The following TEAD1 variants were observed in gnomAD, a reference collection of about 807,000 sequenced individuals.
The protein encoded by TEAD1 is TEA domain transcription factor 1.
Under a neutral mutation model 54.9 loss-of-function variants are expected in TEAD1, and 9 were observed. That is an observed-to-expected ratio of 0.16 (90% CI 0.10 to 0.29). The LOEUF (loss-of-function observed/expected upper bound fraction) is 0.29. TEAD1 is among the 10% of genes least tolerant of loss of function. TEAD1 has a pLI of 1.00. For missense variants in TEAD1, 387 were observed against 535.9 expected (o/e 0.72, Z 2.74); for synonymous variants, 200 against 187.8 (o/e 1.07, Z -0.53).
At chr11:12,834,789 A>G (rs1201542699) in intron 3 of TEAD1, among the ~76,000 whole-genome samples, 1 of 142,356 alleles carries the variant, frequency 7.0e-6, no homozygotes, top group Admixed American at 7.0e-5. Context: ...CTTAATTTTA[A>G]GTTTGTTTGT....
intron 3 of TEAD1, among the ~76,000 whole-genome samples, chr11:12,827,134 A>G (rs900267107): frequency 6.6e-6 from 1 of 152,186 alleles, no homozygotes; most frequent in Admixed American, 6.5e-5. Context: ...AGTAGTGAAG[A>G]ATTAAGTGAG....
intron 2 of TEAD1, among the ~76,000 whole-genome samples, chr11:12,695,764 T>C (rs1943567617): frequency 6.6e-6 from 1 of 152,186 alleles, no homozygotes; most frequent in Non-Finnish European, 1.5e-5. Flanking sequence ...TGAACAGATA[T>C]TTCCTATAGA....
chr11:12,832,271 T>A (rs1235844962), intron 3 of TEAD1, among the ~76,000 whole-genome samples: 2 of 152,194 alleles, frequency 1.3e-5, no homozygotes, highest in Non-Finnish European at 2.9e-5. Flanking sequence ...TAACAAAAAA[T>A]GAGATCAAAC....
At position 12,864,633 on chromosome 11, in the gene TEAD1, T is replaced by TTTTG. The variant is rs1452138733; in HGVS notation, c.268-201_268-198dup. The TTTTG allele has an allele frequency of 1.3e-5, 15 of 1,195,228 alleles. No homozygotes were observed. In the Admixed American group the frequency reaches 1.5e-4, roughly 12 times the overall value. The allele number at this position is 1,195,228 out of a possible 1,614,324, so 74.0% of individuals were successfully genotyped here. A position where few individuals can be genotyped will look rare whatever the true frequency, so the allele number is the denominator to read the frequency against. On this transcript the variant is annotated intron_variant, in intron 4 of 12. Coordinates refer to ENST00000527636, the MANE Select transcript of TEAD1 (RefSeq NM_021961.6). ...TGATTTCCTTTTTTGTTTTGTTTTG[T>TTTTG]TTTGTTTTGTTTTGTTTTGTTTTGT...
chr11:12,933,376 AATC>A (rs1268970247), intron 12 of TEAD1, among the ~76,000 whole-genome samples: 1 of 152,206 alleles, frequency 6.6e-6, no homozygotes, highest in Non-Finnish European at 1.5e-5. Flanking sequence ...TTGAAAATAA[AATC>A]ATCTAATTGA....
intron 9 of TEAD1, among the ~76,000 whole-genome samples, chr11:12,892,271 C>T (rs1948212309): frequency 6.6e-6 from 1 of 152,026 alleles, no homozygotes. Context: ...GGAAATATGA[C>T]ATTAATGAGG....
intron 10 of TEAD1, among the ~76,000 whole-genome samples, chr11:12,913,267 T>C (rs1948650506): frequency 6.6e-6 from 1 of 152,154 alleles, no homozygotes; most frequent in Admixed American, 6.5e-5. Context: ...CACCCCATGT[T>C]AATTTACTTT....
At chr11:12,930,413 C>A in intron 12 of TEAD1, 87 bp downstream of exon 12, 2 of 1,544,176 alleles carry the variant, frequency 1.3e-6, no homozygotes, top group Non-Finnish European at 1.8e-6. Flanking sequence ...AGGCGCTGGG[C>A]CTGCGCCGAG....
intron 2 of TEAD1, among the ~76,000 whole-genome samples, chr11:12,692,304 C>T (rs1943474608): frequency 6.6e-6 from 1 of 152,146 alleles, no homozygotes; most frequent in South Asian, 2.1e-4. Context: ...CCATTCAGAC[C>T]TACAGTTTTA....
intron 3 of TEAD1, among the ~76,000 whole-genome samples, chr11:12,855,960 A>G (rs561120580): frequency 2.8e-4 from 42 of 151,448 alleles, no homozygotes; most frequent in Non-Finnish European, 4.4e-4. Context: ...AAAAAAAAAA[A>G]AAGGAGTGGT....
intron 3 of TEAD1, among the ~76,000 whole-genome samples, chr11:12,831,228 AC>A (rs1452346454): frequency 6.6e-6 from 1 of 151,926 alleles, no homozygotes; most frequent in Non-Finnish European, 1.5e-5. Flanking sequence ...TCTAAATCTT[AC>A]CCTTCTTCAG....
chr11:12,691,437 C>A (rs1056217158), intron 2 of TEAD1, among the ~76,000 whole-genome samples: 1 of 151,988 alleles, frequency 6.6e-6, no homozygotes, highest in African/African-American at 2.4e-5. Flanking sequence ...TGCTTTTTTT[C>A]TCCTCCCACT....
intron 2 of TEAD1, among the ~76,000 whole-genome samples, chr11:12,711,751 C>T (rs1438500553): frequency 2.0e-5 from 3 of 152,170 alleles, no homozygotes; most frequent in Admixed American, 6.5e-5. Flanking sequence ...TGGAAGGTGA[C>T]TGATGTAATA....
At position 12,808,245 on chromosome 11, in the gene TEAD1, G is replaced by GT. The variant is rs1414947896; in HGVS notation, c.202+43811_202+43812insT. ...TTCAAATATAGACAGGGAAATTATAGGTCATAGTAGGCTCATAAAATAACG... is the reference window on the plus strand; with the variant it reads ...TTCAAATATAGACAGGGAAATTATAGTGTCATAGTAGGCTCATAAAATAACG... On this transcript the variant is annotated intron_variant, in intron 3 of 12. Transcript: ENST00000527636. Among the ~76,000 whole-genome samples the GT allele has an allele frequency of 2.8e-5, 3 of 107,736 alleles. 1 individual carries two copies. The highest frequency in any genetic ancestry group is 4.5e-5 in the Non-Finnish European group (2 of 44,574). The allele number at this position is 107,736 out of a possible 152,430, so 70.7% of individuals were successfully genotyped here. A position where few individuals can be genotyped will look rare whatever the true frequency, so the allele number is the denominator to read the frequency against.
At chr11:12,719,781 A>G (rs896581962) in intron 2 of TEAD1, among the ~76,000 whole-genome samples, 12 of 144,886 alleles carry the variant, frequency 8.3e-5, no homozygotes, top group Non-Finnish European at 1.5e-4. Flanking sequence ...TACAATCTTG[A>G]GCTAATAGCT....
In TEAD1 at chr11:12,921,538, C is replaced by CAA. The variant is rs10684810; in HGVS notation, c.874-3357_874-3356dup. On this transcript the variant is annotated intron_variant, in intron 10 of 12. Transcript: ENST00000527636. ...CTGCAACAAGAGCAAAACTCCATCT[C>CAA]AAAAAAAAAAAAAAAAAATCTGGAA... 1.3e-3 allele frequency among the ~76,000 whole-genome samples: 170 copies of CAA among 130,774 alleles called. 2 individuals are homozygous for CAA. Among genetic ancestry groups the CAA allele is most frequent in the South Asian group, 3.0e-3 (12 of 3,940 alleles). The allele number at this position is 130,774 out of a possible 152,430, so 85.8% of individuals were successfully genotyped here. A position where few individuals can be genotyped will look rare whatever the true frequency, so the allele number is the denominator to read the frequency against.
chr11:12,767,956 A>G (rs1052943152), intron 3 of TEAD1, among the ~76,000 whole-genome samples: 1 of 152,196 alleles, frequency 6.6e-6, no homozygotes, highest in South Asian at 2.1e-4. Flanking sequence ...TTGATCAACA[A>G]ACTTATCCAG....
intron 2 of TEAD1, among the ~76,000 whole-genome samples, chr11:12,706,153 C>G (rs1943809894): frequency 6.6e-6 from 1 of 152,174 alleles, no homozygotes; most frequent in Admixed American, 6.5e-5. Flanking sequence ...AGCCTGGCAC[C>G]AAGTATCTGG....
chr11:12,781,676 TAGGG>T (rs1945547827), intron 3 of TEAD1, among the ~76,000 whole-genome samples: 1 of 149,166 alleles, frequency 6.7e-6, no homozygotes, highest in South Asian at 2.1e-4. Flanking sequence ...TAACAAGTGT[TAGGG>T]AGGATGTAGA....
Sources: allele counts gnomAD v4.1 joint callset (sites outside exome capture counted in the v4.1 genomes callset), GRCh38; gene constraint gnomAD v4.1.1; transcripts MANE v1.5; gene names NCBI Gene and HGNC (gene_info 2026-07-23, HGNC 2026-07-21).